Variants in PRDM16 observed in about 807,000 individuals in gnomAD.
PRDM16 encodes PR/SET domain 16, also known as histone-lysine N-methyltransferase PRDM16.
In PRDM16, 23 loss-of-function variants were observed where a neutral mutation model predicts 110.6. The observed-to-expected ratio is 0.21, with a 90% CI of 0.15 to 0.29. The LOEUF (loss-of-function observed/expected upper bound fraction) is 0.29. Among genes scored for constraint, PRDM16 ranks in the 10% least tolerant of loss-of-function variants. The pLI, the probability that PRDM16 is intolerant of heterozygous loss-of-function variation, is 1.00. For missense variants in PRDM16, 1,615 were observed against 1,794.3 expected (o/e 0.90, Z 1.81); for synonymous variants, 799 against 781.8 (o/e 1.02, Z -0.37).
intron 2 of PRDM16, 122 bp downstream of exon 2, chr1:3,186,596 A>G (rs1215936775): frequency 3.2e-6 from 2 of 629,576 alleles, no homozygotes; most frequent in African/African-American, 1.8e-5. Flanking sequence ...GAGCGTTCAA[A>G]TGTCACATTT....
chr1:3,299,155 G>C (rs1012623546), intron 3 of PRDM16, among the ~76,000 whole-genome samples: 3 of 151,812 alleles, frequency 2.0e-5, no homozygotes, highest in Non-Finnish European at 4.4e-5. Context: ...CTCTGCCCTG[G>C]TTGAAGATGC....
At chr1:3,185,813 C>T (rs1452343416) in intron 1 of PRDM16, among the ~76,000 whole-genome samples, 1 of 152,224 alleles carries the variant, frequency 6.6e-6, no homozygotes. Flanking sequence ...GACCACCCGG[C>T]GCATCCTCAG....
At chr1:3,162,842 G>T (rs1257773939) in intron 1 of PRDM16, among the ~76,000 whole-genome samples, 2 of 151,738 alleles carry the variant, frequency 1.3e-5, no homozygotes, top group Admixed American at 1.3e-4. Context: ...CTCCGCAGGA[G>T]TGGTGTCAGG....
rs879667261 is a variant in PRDM16, at chr1:3,437,752, AAAAT to A, written c.*3961_*3964del. The A allele has an allele frequency of 2.5e-4, 54 of 218,788 alleles. No individual in the cohort carries two copies. Among genetic ancestry groups the A allele is most frequent in the Admixed American group, 8.1e-4 (14 of 17,276 alleles). The allele number at this position is 218,788 out of a possible 1,614,324, so 13.6% of individuals were successfully genotyped here. A position where few individuals can be genotyped will look rare whatever the true frequency, so the allele number is the denominator to read the frequency against. On this transcript the variant is annotated 3_prime_UTR_variant, in exon 17 of 17. Coordinates refer to ENST00000270722, the MANE Select transcript of PRDM16 (RefSeq NM_022114.4). ...TGATCCGTATTACCACTTTTGGAAA[AAAAT>A]AAATAAATAAATAAATAAAAGGCAG...
At chr1:3,387,558 C>T (rs959305589) in intron 4 of PRDM16, among the ~76,000 whole-genome samples, 3 of 152,208 alleles carry the variant, frequency 2.0e-5, no homozygotes, top group Non-Finnish European at 2.9e-5. Flanking sequence ...GTAGCACAGC[C>T]GGTGACGTCG....
chr1:3,272,949 T>C (rs1640491769), intron 3 of PRDM16, among the ~76,000 whole-genome samples: 2 of 152,222 alleles, frequency 1.3e-5, no homozygotes, highest in South Asian at 4.1e-4. Flanking sequence ...GTCTTGTGTC[T>C]GCCACATGGT....
chr1:3,145,742 G>A (rs998069593), intron 1 of PRDM16, among the ~76,000 whole-genome samples: 4 of 152,228 alleles, frequency 2.6e-5, no homozygotes, highest in Admixed American at 6.5e-5. Context: ...TGGGCTATCA[G>A]CTATGCAGAC....
At chr1:3,275,621 C>T (rs978490703) in intron 3 of PRDM16, among the ~76,000 whole-genome samples, 3 of 152,316 alleles carry the variant, frequency 2.0e-5, no homozygotes, top group Admixed American at 1.3e-4. Context: ...TCGAACCAAA[C>T]GCCAGAGCCG....
At chr1:3,249,200 G>T (rs538260121) in intron 3 of PRDM16, among the ~76,000 whole-genome samples, 131 of 152,104 alleles carry the variant, frequency 8.6e-4, no homozygotes, top group Middle Eastern at 3.4e-3. Flanking sequence ...AAAGGAGGCT[G>T]GAGGGCTGGG....
chr1:3,276,395 A>G (rs2455131), intron 3 of PRDM16, among the ~76,000 whole-genome samples: 58,302 of 151,986 alleles, frequency 0.38, 16,503 homozygotes, highest in African/African-American at 0.79. Context: ...GCACCCCTGA[A>G]CCTCTGGGAG....
intron 3 of PRDM16, among the ~76,000 whole-genome samples, chr1:3,328,464 G>A (rs1005551274): frequency 3.9e-5 from 6 of 152,122 alleles, no homozygotes; most frequent in Non-Finnish European, 7.3e-5. Context: ...CGGAGCTTTC[G>A]TCACTCGCCT....
intron 3 of PRDM16, among the ~76,000 whole-genome samples, chr1:3,324,276 G>C (rs1641834703): frequency 6.6e-6 from 1 of 152,120 alleles, no homozygotes; most frequent in Non-Finnish European, 1.5e-5. Flanking sequence ...CGCCTGCAGG[G>C]TCGCCCCCAG....
intron 3 of PRDM16, among the ~76,000 whole-genome samples, chr1:3,277,989 A>G (rs528932166): frequency 6.6e-6 from 1 of 152,322 alleles, no homozygotes; most frequent in Non-Finnish European, 1.5e-5. Context: ...CATTGCTAGC[A>G]GGCCATGGGA....
At chr1:3,235,881 C>T (rs1639528637) in intron 2 of PRDM16, among the ~76,000 whole-genome samples, 2 of 152,206 alleles carry the variant, frequency 1.3e-5, no homozygotes, top group Admixed American at 1.3e-4. Flanking sequence ...AGATCTGGAG[C>T]AGCCCATCGA....
intron 3 of PRDM16, among the ~76,000 whole-genome samples, chr1:3,324,037 T>G (rs1221317758): frequency 6.6e-6 from 1 of 152,120 alleles, no homozygotes; most frequent in African/African-American, 2.4e-5. Flanking sequence ...CCTCCCTCCG[T>G]CTGGGTTGGG....
At chr1:3,223,973 T>C (rs1253781402) in intron 2 of PRDM16, among the ~76,000 whole-genome samples, 1 of 152,218 alleles carries the variant, frequency 6.6e-6, no homozygotes, top group African/African-American at 2.4e-5. Flanking sequence ...CGGGTATCAC[T>C]TTTGGAAATT....
At chr1:3,398,750 C>T (rs1643423198) in intron 5 of PRDM16, among the ~76,000 whole-genome samples, 2 of 152,264 alleles carry the variant, frequency 1.3e-5, no homozygotes, top group Non-Finnish European at 1.5e-5. Context: ...GAGGTCACCA[C>T]GGCGTTGGCT....
rs551410967 is a variant in PRDM16 at position 3,081,178 on chromosome 1, C to T, written c.37+11882C>T. The stretch of plus-strand genomic sequence containing the variant: ...TTACCTTCCCGAGGTTAGATAAAGC[C>T]GCTAAAAGCTGCTGTTTGTTATTGA... On this transcript the variant is annotated intron_variant, in intron 1 of 16. Coordinates refer to ENST00000270722, the MANE Select transcript of PRDM16 (RefSeq NM_022114.4). This position sits in a 1 kb window ranked among gnomAD's most constrained non-coding sequence, Gnocchi z 4.6. Among the ~76,000 whole-genome samples, 12 of 152,340 alleles carry T rather than the reference C, an allele frequency of 7.9e-5. No homozygotes were observed. Among genetic ancestry groups the T allele is most frequent in the South Asian group, 2.1e-4 (1 of 4,826 alleles).
intron 1 of PRDM16, among the ~76,000 whole-genome samples, chr1:3,149,230 G>A (rs1385359699): frequency 6.6e-6 from 1 of 152,182 alleles, no homozygotes; most frequent in Non-Finnish European, 1.5e-5. Context: ...GCCACTGGAG[G>A]ATGGAGAACA....
Sources: allele counts gnomAD v4.1 joint callset (sites outside exome capture counted in the v4.1 genomes callset), GRCh38; gene constraint gnomAD v4.1.1; non-coding constraint Gnocchi (gnomAD v3.1); transcripts MANE v1.5; gene names NCBI Gene and HGNC (gene_info 2026-07-23, HGNC 2026-07-21).